Variants in ADGRL4 observed in about 807,000 individuals in gnomAD.
ADGRL4 encodes adhesion G protein-coupled receptor L4.
A neutral mutation model predicts 74.8 loss-of-function variants in ADGRL4; 90 were observed. The ratio of observed to expected loss-of-function variants is 1.20; its 90% CI spans 1.02 to 1.43. ADGRL4 has a LOEUF of 1.43. Among genes scored for constraint, ADGRL4 ranks in the 40% most tolerant of loss-of-function variants. The pLI, the probability that ADGRL4 is intolerant of heterozygous loss-of-function variation, is 0.00. For missense variants in ADGRL4, 881 were observed against 814.3 expected, an observed-to-expected ratio of 1.08 and a Z score of -1.00; for synonymous variants, 311 against 279.2, an observed-to-expected ratio of 1.11 and a Z score of -1.14.
chr1:78,953,039 T>C (rs1410783774), intron 2 of ADGRL4, among the ~76,000 whole-genome samples: 1 of 152,146 alleles, frequency 6.6e-6, no homozygotes, highest in African/African-American at 2.4e-5. Context: ...GTCCTCTTTG[T>C]CAGAACTATT....
rs1289707497 is a variant in ADGRL4 at position 78,927,438 on chromosome 1, T to C, written c.878-347A>G. On this transcript the variant is annotated intron_variant, in intron 7 of 14. Transcript: ENST00000370742. ...ACTTGAATAACAAAGTTTCAAGTTATTATGTCCTTGTATAAATATATGAAC... is the reference window on the plus strand; with the variant it reads ...ACTTGAATAACAAAGTTTCAAGTTACTATGTCCTTGTATAAATATATGAAC... 2.6e-5 allele frequency among the ~76,000 whole-genome samples: 4 copies of C among 152,130 alleles called. No individual in the cohort carries two copies. In the East Asian group the frequency reaches 7.7e-4, roughly 29 times the overall value.
chr1:78,910,288 G>A (rs1444835808), intron 12 of ADGRL4, among the ~76,000 whole-genome samples: 1 of 151,798 alleles, frequency 6.6e-6, no homozygotes, highest in Non-Finnish European at 1.5e-5. Flanking sequence ...TTTTGAGTAG[G>A]TTTTAATAAG....
At chr1:78,985,173 AAAC>A (rs1302920466) in intron 2 of ADGRL4, among the ~76,000 whole-genome samples, 1 of 151,732 alleles carries the variant, frequency 6.6e-6, no homozygotes, top group African/African-American at 2.4e-5. Context: ...AATAGCATGT[AAAC>A]AACAATCCAA....
intron 6 of ADGRL4, 41 bp downstream of exon 6, chr1:78,937,766 T>C: frequency 6.4e-7 from 1 of 1,570,142 alleles, no homozygotes; most frequent in Non-Finnish European, 8.6e-7. Context: ...ATGGCTTATT[T>C]GGAAAACACA....
intron 12 of ADGRL4, among the ~76,000 whole-genome samples, chr1:78,902,732 T>A: frequency 6.6e-6 from 1 of 152,216 alleles, no homozygotes; most frequent in East Asian, 1.9e-4. Context: ...TAAGTATTAC[T>A]ATGGTTAACT....
At chr1:78,971,107 G>T (rs965931341) in intron 2 of ADGRL4, among the ~76,000 whole-genome samples, 53 of 152,052 alleles carry the variant, frequency 3.5e-4, no homozygotes, top group African/African-American at 1.2e-3. Context: ...GCAGTCATGT[G>T]ACTGGAGCCT....
chr1:78,897,803 C>T (rs1047846848), intron 12 of ADGRL4, among the ~76,000 whole-genome samples: 4 of 151,952 alleles, frequency 2.6e-5, no homozygotes, highest in East Asian at 1.9e-4. Context: ...GTAAGTTTTC[C>T]CAGTTACCCC....
intron 2 of ADGRL4, among the ~76,000 whole-genome samples, chr1:79,001,883 C>T (rs1650851580): frequency 6.6e-6 from 1 of 151,964 alleles, no homozygotes; most frequent in Admixed American, 6.5e-5. Flanking sequence ...AAAGCTTGGT[C>T]TCTTCTTCAA....
chr1:78,952,327 G>T (rs1233194476), intron 2 of ADGRL4, among the ~76,000 whole-genome samples: 4 of 25,664 alleles, frequency 1.6e-4, no homozygotes, highest in East Asian at 2.0e-3. Flanking sequence ...AACATAGAAA[G>T]CTTTTTTTTT....
intron 2 of ADGRL4, among the ~76,000 whole-genome samples, chr1:78,959,700 A>T (rs1009260235): frequency 6.6e-6 from 1 of 152,092 alleles, no homozygotes; most frequent in Admixed American, 6.6e-5. Context: ...ATTGGTCTGG[A>T]CTCATTTATT....
intron 2 of ADGRL4, among the ~76,000 whole-genome samples, chr1:78,966,973 T>C (rs1158671426): frequency 2.0e-5 from 3 of 151,906 alleles, no homozygotes; most frequent in African/African-American, 7.3e-5. Context: ...AAGGATCTTA[T>C]GGGGACTGGG....
chr1:78,921,025 A>G (rs1648988148), intron 9 of ADGRL4, among the ~76,000 whole-genome samples: 1 of 150,466 alleles, frequency 6.6e-6, no homozygotes, highest in Non-Finnish European at 1.5e-5. Context: ...ATAAATAAAT[A>G]TATTAAAATG....
intron 3 of ADGRL4, among the ~76,000 whole-genome samples, chr1:78,944,315 C>A (rs1208395145): frequency 6.6e-6 from 1 of 152,156 alleles, no homozygotes; most frequent in African/African-American, 2.4e-5. Context: ...CTAACTGGAA[C>A]ATTTCCACTA....
intron 2 of ADGRL4, among the ~76,000 whole-genome samples, chr1:78,965,467 A>G (rs928039760): frequency 3.9e-5 from 6 of 152,182 alleles, no homozygotes; most frequent in Non-Finnish European, 1.5e-5. Context: ...ATCAAGTGTT[A>G]ATTTAAAAAA....
intron 12 of ADGRL4, among the ~76,000 whole-genome samples, chr1:78,897,997 G>T (rs1648432780): frequency 6.6e-6 from 1 of 151,982 alleles, no homozygotes; most frequent in African/African-American, 2.4e-5. Context: ...AGGCACATGA[G>T]TTTATGTACC....
chr1:78,982,260 A>C (rs1557520228), intron 2 of ADGRL4, among the ~76,000 whole-genome samples: 1 of 151,982 alleles, frequency 6.6e-6, no homozygotes, highest in East Asian at 1.9e-4. Context: ...TTTTCCTATG[A>C]AAGGTGGGAC....
intron 2 of ADGRL4, among the ~76,000 whole-genome samples, chr1:78,949,948 T>C (rs2100698423): frequency 6.6e-6 from 1 of 152,224 alleles, no homozygotes; most frequent in African/African-American, 2.4e-5. Flanking sequence ...ATACGCTGAG[T>C]TAAGCACGGC....
chr1:78,976,669 C>T (rs185611391), intron 2 of ADGRL4, among the ~76,000 whole-genome samples: 57 of 151,366 alleles, frequency 3.8e-4, no homozygotes, highest in African/African-American at 1.0e-3. Context: ...AGTTTGCCAA[C>T]GCTTGACTTA....
rs185672683 is a variant in ADGRL4, at chr1:78,912,718, T to A, written c.1749+4916A>T. Among the ~76,000 whole-genome samples the A allele has an allele frequency of 5.9e-5, 9 of 151,832 alleles. No homozygotes were observed. The East Asian group carries it at 1.8e-3, about 30-fold the overall frequency. ...TTTGTGGCAATATGATACCAAATTA[T>A]AAACAGGACCTGAGGCTATACCAGG... On this transcript the variant is annotated intron_variant, in intron 12 of 14. Transcript: ENST00000370742.
Sources: allele counts gnomAD v4.1 joint callset (sites outside exome capture counted in the v4.1 genomes callset), GRCh38; gene constraint gnomAD v4.1.1; transcripts MANE v1.5; gene names NCBI Gene and HGNC (gene_info 2026-07-23, HGNC 2026-07-21).